CBFA2T3: variants seen among roughly 807,000 people sequenced by gnomAD.
The protein encoded by CBFA2T3 is transcriptional corepressor CBFA2T3.
Under a neutral mutation model 58.6 loss-of-function variants are expected in CBFA2T3, and 31 were observed. The observed-to-expected ratio is 0.53, with a 90% CI of 0.40 to 0.71. The LOEUF is 0.71. Among genes scored for constraint, CBFA2T3 ranks in the 30% least tolerant of loss-of-function variants. The pLI, the probability that CBFA2T3 is intolerant of heterozygous loss-of-function variation, is 0.00. For missense variants in CBFA2T3, 1,076 were observed against 963.1 expected (o/e 1.12, Z -1.55); for synonymous variants, 531 against 421.9 (o/e 1.26, Z -3.17).
At chr16:88,892,527 G>C (rs771214983) in intron 3 of CBFA2T3, 42 bp from the exon 4 acceptor site, 2 of 1,606,504 alleles carry the variant, frequency 1.2e-6, no homozygotes, top group Admixed American at 1.7e-5. Flanking sequence ...AGGTGATGGT[G>C]ACAACACAAC....
chr16:88,938,073 C>T (rs919595990), intron 1 of CBFA2T3: 1 of 152,334 alleles, frequency 6.6e-6, no homozygotes, highest in Admixed American at 6.5e-5. Flanking sequence ...GAGGTGCAGA[C>T]CTAGAGCAGC....
At chr16:88,895,778 G>A (rs774925177) in intron 3 of CBFA2T3, among the ~76,000 whole-genome samples, 1 of 152,218 alleles carries the variant, frequency 6.6e-6, no homozygotes, top group Non-Finnish European at 1.5e-5. Flanking sequence ...TGGTGAGGAA[G>A]TCCAGACAGA....
chr16:88,944,197 C>A (rs904065821), intron 1 of CBFA2T3, among the ~76,000 whole-genome samples: 1 of 151,792 alleles, frequency 6.6e-6, no homozygotes, highest in African/African-American at 2.4e-5. Flanking sequence ...ATTAGCCGGG[C>A]GTGGTTGCAG....
chr16:88,880,671 C>T (rs950729081), intron 10 of CBFA2T3, 49 bp downstream of exon 10: 2 of 1,469,966 alleles, frequency 1.4e-6, no homozygotes, highest in Non-Finnish European at 1.9e-6. Flanking sequence ...GCATCTGGGG[C>T]CCTGGCCTCC....
chr16:88,967,416 T>G (rs1972541880), intron 1 of CBFA2T3, among the ~76,000 whole-genome samples: 1 of 151,646 alleles, frequency 6.6e-6, no homozygotes, highest in South Asian at 2.1e-4. Context: ...ACACCCTAAG[T>G]GCTGCCATGC....
At chr16:88,921,912 G>A (rs978833383) in intron 1 of CBFA2T3, among the ~76,000 whole-genome samples, 28 of 152,348 alleles carry the variant, frequency 1.8e-4, no homozygotes, top group Middle Eastern at 6.8e-3. Context: ...GCCTCACCCC[G>A]TCTCACCCAG....
intron 1 of CBFA2T3, among the ~76,000 whole-genome samples, chr16:88,973,905 C>G (rs917272251): frequency 8.1e-6 from 1 of 123,686 alleles, no homozygotes; most frequent in Non-Finnish European, 1.7e-5. Flanking sequence ...GTCCCCATAA[C>G]ATCTCCCGCC....
At chr16:88,915,189 TGGTGGCGTGGGTGTGGGGTGGGGA>T (rs1287603506) in intron 1 of CBFA2T3, among the ~76,000 whole-genome samples, 1 of 64,500 alleles carries the variant, frequency 1.6e-5, no homozygotes. Context: ...TGCCGCCAGG[TGGTGGCGTGGGTGTGGGGTGGGGA>T]GGAGGCGTGG....
chr16:88,877,369 A>T, intron 11 of CBFA2T3, 94 bp from the exon 12 acceptor site: 1 of 1,006,344 alleles, frequency 9.9e-7, no homozygotes, highest in Non-Finnish European at 1.4e-6. Context: ...CAGCCACGTC[A>T]TCACCAGGTG....
rs1313496175 is a variant in CBFA2T3, at chr16:88,885,898, G to A, written c.893+63C>T. ...AGGAGGTTCCCTCTCTTACCCAGAG[G>A]GGAGCAGGGTGAGCCGCGTGTCCAC... On this transcript the variant is annotated intron_variant, in intron 6 of 11. Transcript: ENST00000268679. The surrounding 1 kb of genome is among the most constrained non-coding windows in gnomAD (Gnocchi z 5.3). 5 of 1,414,202 alleles carry A rather than the reference G, an allele frequency of 3.5e-6. No individual in the cohort carries two copies. Among genetic ancestry groups the A allele is most frequent in the African/African-American group, 1.4e-5 (1 of 70,158 alleles). 87.6% of individuals were successfully genotyped at this position (1,414,202 alleles called of 1,614,324 possible). A position where few individuals can be genotyped will look rare whatever the true frequency, so the allele number is the denominator to read the frequency against.
intron 3 of CBFA2T3, among the ~76,000 whole-genome samples, chr16:88,894,613 A>C (rs1005013873): frequency 2.0e-5 from 3 of 151,520 alleles, no homozygotes; most frequent in Admixed American, 2.0e-4. Flanking sequence ...ATGTACACAC[A>C]TGCACACACA....
chr16:88,881,938 GT>G (rs1346815134), intron 8 of CBFA2T3, among the ~76,000 whole-genome samples: 3 of 152,248 alleles, frequency 2.0e-5, no homozygotes, highest in Non-Finnish European at 4.4e-5. Context: ...GTTCCGGGCC[GT>G]CCCCGAACAC....
intron 1 of CBFA2T3, among the ~76,000 whole-genome samples, chr16:88,926,244 G>A (rs1971081750): frequency 7.3e-6 from 1 of 137,798 alleles, no homozygotes; most frequent in African/African-American, 2.5e-5. Flanking sequence ...TCCCAGAGGC[G>A]AGGAGTGAAT....
chr16:88,927,265 G>A (rs1286038609), intron 1 of CBFA2T3, among the ~76,000 whole-genome samples: 4 of 152,178 alleles, frequency 2.6e-5, no homozygotes, highest in South Asian at 2.1e-4. Flanking sequence ...GTGACAAGCC[G>A]GGTCCCGCCC....
At chr16:88,897,631 G>A (rs542485276) in intron 3 of CBFA2T3, among the ~76,000 whole-genome samples, 99 of 152,370 alleles carry the variant, frequency 6.5e-4, no homozygotes, top group Admixed American at 1.0e-3. Flanking sequence ...TACAGGTGGG[G>A]AAACTGAGGC....
intron 1 of CBFA2T3, among the ~76,000 whole-genome samples, chr16:88,916,458 GGGTGT>G (rs1567606277): frequency 3.3e-5 from 5 of 152,238 alleles, no homozygotes; most frequent in African/African-American, 9.6e-5. Context: ...GTGCACATGT[GGGTGT>G]ATGTGTGCGT....
intron 1 of CBFA2T3, among the ~76,000 whole-genome samples, chr16:88,927,923 A>G (rs1971137079): frequency 6.6e-6 from 1 of 152,196 alleles, no homozygotes; most frequent in Non-Finnish European, 1.5e-5. Flanking sequence ...AGATGCTGAC[A>G]CGGGCAACCC....
chr16:88,887,582 A>C (rs1227387152), intron 5 of CBFA2T3, among the ~76,000 whole-genome samples: 1 of 152,148 alleles, frequency 6.6e-6, no homozygotes, highest in Non-Finnish European at 1.5e-5. Context: ...ACTGGGCAGC[A>C]TCAGCGTAGG....
chr16:88,963,941 A>C (rs1184378679), intron 1 of CBFA2T3, among the ~76,000 whole-genome samples: 2 of 152,180 alleles, frequency 1.3e-5, no homozygotes, highest in Non-Finnish European at 2.9e-5. Context: ...GGGACTCTGC[A>C]TCTCGCTTGC....
Sources: allele counts gnomAD v4.1 joint callset (sites outside exome capture counted in the v4.1 genomes callset), GRCh38; gene constraint gnomAD v4.1.1; non-coding constraint Gnocchi (gnomAD v3.1); transcripts MANE v1.5; gene names NCBI Gene and HGNC (gene_info 2026-07-23, HGNC 2026-07-21).